The following RBM47 variants were observed in gnomAD, a reference collection of about 807,000 sequenced individuals.
RBM47 encodes RNA binding motif protein 47.
RBM47 carries 21 observed loss-of-function variants against 47.1 expected under a neutral mutation model. That is an observed-to-expected ratio of 0.45 (90% confidence interval 0.32 to 0.64). RBM47 has a LOEUF of 0.64. Among genes scored for constraint, RBM47 ranks in the 30% least tolerant of loss-of-function variants. The pLI is 0.05. For synonymous variants in RBM47, 375 were observed against 361.7 expected, an observed-to-expected ratio of 1.04 and a Z score of -0.42; for missense variants, 708 against 870.9, an observed-to-expected ratio of 0.81 and a Z score of 2.35.
chr4:40,555,924 G>A (rs571868100), intron 1 of RBM47, among the ~76,000 whole-genome samples: 2 of 152,270 alleles, frequency 1.3e-5, no homozygotes, highest in South Asian at 4.1e-4. Context: ...GGCCACTTTC[G>A]GGAAAATGGC....
intron 6 of RBM47, among the ~76,000 whole-genome samples, chr4:40,429,157 G>T (rs1172144807): frequency 6.6e-6 from 1 of 152,048 alleles, no homozygotes; most frequent in Non-Finnish European, 1.5e-5. Flanking sequence ...AGCCATCTGG[G>T]TTATCAGATT....
At chr4:40,451,758 C>T (rs902616677) in intron 3 of RBM47, among the ~76,000 whole-genome samples, 1 of 152,218 alleles carries the variant, frequency 6.6e-6, no homozygotes, top group Non-Finnish European at 1.5e-5. Flanking sequence ...TTCATTCCCT[C>T]GCTCATTCAA....
At chr4:40,545,237 G>C (rs1728913759) in intron 1 of RBM47, among the ~76,000 whole-genome samples, 1 of 150,914 alleles carries the variant, frequency 6.6e-6, no homozygotes, top group Non-Finnish European at 1.5e-5. Context: ...ATTTTTAGTA[G>C]AGACGGGGTT....
At chr4:40,444,996 C>T (rs902786411) in intron 3 of RBM47, among the ~76,000 whole-genome samples, 9 of 149,156 alleles carry the variant, frequency 6.0e-5, no homozygotes, top group Admixed American at 2.7e-4. Flanking sequence ...GTTGTTTGGC[C>T]GGGCGCGGTG....
At chr4:40,564,906 G>A (rs1320798367) in intron 1 of RBM47, among the ~76,000 whole-genome samples, 1 of 152,194 alleles carries the variant, frequency 6.6e-6, no homozygotes, top group Non-Finnish European at 1.5e-5. Context: ...GGAGGAAGGG[G>A]CAGAAGCAGG....
chr4:40,467,038 T>C (rs1718161849), intron 2 of RBM47, among the ~76,000 whole-genome samples: 1 of 152,232 alleles, frequency 6.6e-6, no homozygotes, highest in South Asian at 2.1e-4. Context: ...GGAATACAGA[T>C]GTAGCCTATA....
intron 2 of RBM47, among the ~76,000 whole-genome samples, chr4:40,524,241 G>A (rs780913632): frequency 6.6e-6 from 1 of 152,114 alleles, no homozygotes; most frequent in Admixed American, 6.6e-5. Flanking sequence ...AATCTCATGT[G>A]GCAAGTACTC....
chr4:40,581,723 G>C (rs1328699731), intron 1 of RBM47, among the ~76,000 whole-genome samples: 3 of 86,668 alleles, frequency 3.5e-5, no homozygotes, highest in African/African-American at 1.4e-4. Flanking sequence ...GAGCCTTCAG[G>C]GTGTGTGTGA....
chr4:40,576,463 C>T (rs554604016), intron 1 of RBM47, among the ~76,000 whole-genome samples: 1 of 152,252 alleles, frequency 6.6e-6, no homozygotes, highest in African/African-American at 2.4e-5. Flanking sequence ...CTAACTACTA[C>T]CTAGCCCCTG....
chr4:40,608,891 C>T (rs1735994890), intron 1 of RBM47, among the ~76,000 whole-genome samples: 1 of 152,192 alleles, frequency 6.6e-6, no homozygotes, highest in African/African-American at 2.4e-5. Flanking sequence ...AGAGTTGGCC[C>T]ACTCATCCTG....
intron 4 of RBM47, among the ~76,000 whole-genome samples, chr4:40,437,073 C>CAAAAAAAAAAAAAAAAAAAAAAAAAA (rs750922605): frequency 4.7e-5 from 1 of 21,290 alleles, no homozygotes; most frequent in African/African-American, 2.2e-4. Flanking sequence ...GACCCTGTCT[C>CAAAAAAAAAAAAAAAAAAAAAAAAAA]AAAAAAAAAA....
intron 1 of RBM47, among the ~76,000 whole-genome samples, chr4:40,592,398 C>A (rs1309646682): frequency 4.0e-5 from 6 of 151,326 alleles, no homozygotes; most frequent in Admixed American, 4.0e-4. Context: ...GGACCACAGG[C>A]ATCCACCTGG....
At chr4:40,603,032 AT>A (rs1164208296) in intron 1 of RBM47, among the ~76,000 whole-genome samples, 3 of 151,898 alleles carry the variant, frequency 2.0e-5, no homozygotes, top group South Asian at 2.1e-4. Context: ...TTAAAAAAAA[AT>A]TTTTTTTGAA....
chr4:40,610,312 C>T (rs1231130156), intron 1 of RBM47, among the ~76,000 whole-genome samples: 4 of 151,756 alleles, frequency 2.6e-5, no homozygotes, highest in Admixed American at 6.6e-5. Context: ...AGTTCATCTT[C>T]GTAAAGTGTT....
intron 6 of RBM47, among the ~76,000 whole-genome samples, chr4:40,432,215 C>T (rs1239593190): frequency 6.8e-5 from 1 of 14,802 alleles, no homozygotes; most frequent in African/African-American, 9.1e-5. Context: ...CACACACACA[C>T]ACACACACAC....
At chr4:40,536,971 T>C (rs1483522059) in intron 2 of RBM47, among the ~76,000 whole-genome samples, 2 of 152,108 alleles carry the variant, frequency 1.3e-5, no homozygotes, top group Non-Finnish European at 2.9e-5. Context: ...TCAAATGATC[T>C]GCGCCCAGCC....
At chr4:40,586,205 T>C (rs946728339) in intron 1 of RBM47, among the ~76,000 whole-genome samples, 1 of 152,204 alleles carries the variant, frequency 6.6e-6, no homozygotes, top group African/African-American at 2.4e-5. Flanking sequence ...CATAACTGCA[T>C]TGGATTCTGA....
At chr4:40,610,525 G>T (rs1736165524) in intron 1 of RBM47, among the ~76,000 whole-genome samples, 1 of 150,952 alleles carries the variant, frequency 6.6e-6, no homozygotes, top group South Asian at 2.1e-4. Context: ...CCAGCAAATG[G>T]CGTGAACCCG....
chr4:40,426,521 C>T (rs1405988940), intron 6 of RBM47, among the ~76,000 whole-genome samples: 1 of 152,168 alleles, frequency 6.6e-6, no homozygotes, highest in Non-Finnish European at 1.5e-5. Context: ...AACCTATGCA[C>T]ATCCTCCTGT....
Sources: allele counts gnomAD v4.1 joint callset (sites outside exome capture counted in the v4.1 genomes callset), GRCh38; gene constraint gnomAD v4.1.1; transcripts MANE v1.5; gene names NCBI Gene and HGNC (gene_info 2026-07-23, HGNC 2026-07-21).